RALYL: variants seen among roughly 807,000 people sequenced by gnomAD.
The protein encoded by RALYL is RNA-binding Raly-like protein.
A neutral mutation model predicts 35.1 loss-of-function variants in RALYL; 29 were observed. The ratio of observed to expected loss-of-function variants is 0.83; its 90% CI spans 0.61 to 1.13. The LOEUF (loss-of-function observed/expected upper bound fraction) is 1.13, where lower values mean the gene tolerates loss of function less well. RALYL is among the 50% of genes most tolerant of loss of function. The pLI is 0.00. For synonymous variants in RALYL, 120 were observed against 127.6 expected, an observed-to-expected ratio of 0.94 and a Z score of 0.40; for missense variants, 359 against 360.4, an observed-to-expected ratio of 1.00 and a Z score of 0.03.
chr8:84,826,349 G>T (rs957190892), intron 4 of RALYL, among the ~76,000 whole-genome samples: 11 of 149,312 alleles, frequency 7.4e-5, no homozygotes, highest in Non-Finnish European at 1.5e-4. Context: ...TCTTTGCTTT[G>T]CAATAGAGCT....
intron 2 of RALYL, among the ~76,000 whole-genome samples, chr8:84,770,950 C>A (rs1450828766): frequency 1.3e-5 from 2 of 151,938 alleles, no homozygotes; most frequent in Non-Finnish European, 2.9e-5. Context: ...CGATTTTAGT[C>A]CTTTGACAGA....
At chr8:84,192,104 C>T (rs1047768422) in intron 1 of RALYL, among the ~76,000 whole-genome samples, 9 of 152,158 alleles carry the variant, frequency 5.9e-5, no homozygotes, top group South Asian at 2.1e-4. Context: ...AGCCTCCTGA[C>T]GAGATGCCAT....
rs1199156499 is a variant in RALYL at position 84,184,214 on chromosome 8, T to A, written c.-234T>A. 2 of 152,172 alleles carry A rather than the reference T, an allele frequency of 1.3e-5. No homozygotes were observed. Among genetic ancestry groups the A allele is most frequent in the African/African-American group, 2.4e-5 (1 of 41,430 alleles). 9.4% of individuals were successfully genotyped at this position (152,172 alleles called of 1,614,324 possible). A position where few individuals can be genotyped will look rare whatever the true frequency, so the allele number is the denominator to read the frequency against. ...TAAATTAACTATGACTTTTGCACAT[T>A]TGACTTTTTTAAAAAACCGAGATAA... is the stretch of plus-strand genomic sequence containing the variant. On this transcript the variant is annotated 5_prime_UTR_variant, in exon 1 of 9. The change creates a new upstream start codon in the 5' untranslated region. Coordinates refer to ENST00000521268, the MANE Select transcript of RALYL (RefSeq NM_173848.7).
At chr8:84,327,587 G>T (rs1302908310) in intron 1 of RALYL, among the ~76,000 whole-genome samples, 1 of 152,000 alleles carries the variant, frequency 6.6e-6, no homozygotes, top group Non-Finnish European at 1.5e-5. Flanking sequence ...TGTATCTATG[G>T]CTGCGTTCCT....
chr8:84,885,470 C>T (rs1236496848), intron 7 of RALYL, among the ~76,000 whole-genome samples: 3 of 152,032 alleles, frequency 2.0e-5, no homozygotes, highest in East Asian at 1.9e-4. Flanking sequence ...AATTTATGTA[C>T]TATACTTCCT....
chr8:84,696,136 T>C (rs1839092711), intron 2 of RALYL, among the ~76,000 whole-genome samples: 1 of 151,752 alleles, frequency 6.6e-6, no homozygotes, highest in Non-Finnish European at 1.5e-5. Flanking sequence ...TTACTTAGCA[T>C]TACATCAACC....
At chr8:84,618,158 A>C (rs1371638668) in intron 2 of RALYL, among the ~76,000 whole-genome samples, 12 of 151,806 alleles carry the variant, frequency 7.9e-5, no homozygotes, top group Non-Finnish European at 1.5e-4. Flanking sequence ...GAATAGTTTC[A>C]GAAGGAATGG....
intron 4 of RALYL, among the ~76,000 whole-genome samples, chr8:84,813,724 G>C (rs1379674096): frequency 2.6e-5 from 4 of 152,024 alleles, no homozygotes; most frequent in African/African-American, 9.7e-5. Context: ...TCATAGGCTT[G>C]GACACTTACA....
At chr8:84,556,040 T>C (rs1412596222) in intron 2 of RALYL, among the ~76,000 whole-genome samples, 1 of 152,182 alleles carries the variant, frequency 6.6e-6, no homozygotes, top group East Asian at 1.9e-4. Context: ...CTGCACTCTC[T>C]CCCCAGATTA....
chr8:84,716,416 G>C (rs1368988545), intron 2 of RALYL, among the ~76,000 whole-genome samples: 1 of 152,102 alleles, frequency 6.6e-6, no homozygotes, highest in Non-Finnish European at 1.5e-5. Flanking sequence ...AATCAGAAAA[G>C]GTTTACTTTT....
At chr8:84,739,979 A>G (rs138143420) in intron 2 of RALYL, among the ~76,000 whole-genome samples, 42 of 152,094 alleles carry the variant, frequency 2.8e-4, no homozygotes, top group African/African-American at 1.0e-3. Context: ...GGCTTTAGCA[A>G]TAACAAAGAA....
At chr8:84,487,772 G>A (rs1001160590) in intron 1 of RALYL, among the ~76,000 whole-genome samples, 3 of 151,986 alleles carry the variant, frequency 2.0e-5, no homozygotes, top group African/African-American at 7.2e-5. Context: ...TTCTTATTGT[G>A]TAGAAAGAAT....
intron 1 of RALYL, among the ~76,000 whole-genome samples, chr8:84,527,277 C>T (rs2058970725): frequency 6.6e-6 from 1 of 152,134 alleles, no homozygotes; most frequent in Non-Finnish European, 1.5e-5. Flanking sequence ...AAGAACAGAG[C>T]AGAGTCCAAG....
intron 2 of RALYL, among the ~76,000 whole-genome samples, chr8:84,689,410 A>G (rs1364303789): frequency 2.0e-5 from 3 of 152,190 alleles, no homozygotes; most frequent in Non-Finnish European, 4.4e-5. Flanking sequence ...TCATGAACTC[A>G]TCATTTTTAT....
intron 1 of RALYL, among the ~76,000 whole-genome samples, chr8:84,466,184 A>G (rs1160121368): frequency 1.1e-4 from 15 of 136,554 alleles, no homozygotes; most frequent in East Asian, 1.1e-3. Flanking sequence ...AGTATGTTGA[A>G]TAGGAGTGGT....
At chr8:84,233,586 T>C (rs1392637041) in intron 1 of RALYL, among the ~76,000 whole-genome samples, 1 of 152,188 alleles carries the variant, frequency 6.6e-6, no homozygotes, top group African/African-American at 2.4e-5. Flanking sequence ...GTCACCACTC[T>C]GCCACCTCCA....
rs558525638 is a variant in RALYL, at chr8:84,200,270, A to G, written c.-24+15846A>G. Among the ~76,000 whole-genome samples the G allele has an allele frequency of 3.9e-5, 6 of 152,252 alleles. No individual in the cohort carries two copies. In the South Asian group the frequency reaches 1.0e-3, roughly 26 times the overall value. On this transcript the variant is annotated intron_variant, in intron 1 of 8. Transcript: ENST00000521268. ...ACACTAAACAAAATAAATACATTGG[A>G]TGCTGAGACTGATATAGGATAGCAG...
chr8:84,706,012 A>T (rs1564406543), intron 2 of RALYL: 3 of 1,534,970 alleles, frequency 2.0e-6, no homozygotes, highest in Non-Finnish European at 2.6e-6. Flanking sequence ...AGAAAGTCTA[A>T]TTTTTTTCAA....
intron 1 of RALYL, among the ~76,000 whole-genome samples, chr8:84,471,411 C>A (rs2052729108): frequency 6.8e-6 from 1 of 147,480 alleles, no homozygotes; most frequent in African/African-American, 2.5e-5. Context: ...AGCAAGACCA[C>A]ATCTGTACAC....
Sources: allele counts gnomAD v4.1 joint callset (sites outside exome capture counted in the v4.1 genomes callset), GRCh38; gene constraint gnomAD v4.1.1; transcripts MANE v1.5; gene names NCBI Gene and HGNC (gene_info 2026-07-23, HGNC 2026-07-21).